LAMA5: variants seen among roughly 807,000 people sequenced by gnomAD.
LAMA5 encodes the protein laminin subunit alpha 5.
In LAMA5, 260 loss-of-function variants were observed where a neutral mutation model predicts 433.4. The ratio of observed to expected loss-of-function variants is 0.60; its 90% CI spans 0.54 to 0.66. LAMA5 has a LOEUF of 0.66. LAMA5 is among the 30% of genes least tolerant of loss of function. LAMA5 has a pLI of 0.00. For missense variants in LAMA5, 5,378 were observed against 5,258.5 expected (o/e 1.02, Z -0.70); for synonymous variants, 2,620 against 2,226.6 (o/e 1.18, Z -4.97).
At position 62,309,173 on chromosome 20, in the gene LAMA5, G is replaced by C. The variant is rs1985774076; in HGVS notation, c.*163C>G. 1.4e-6 allele frequency: 1 copy of C among 714,496 alleles called. No individual in the cohort carries two copies. 44.3% of individuals were successfully genotyped at this position (714,496 alleles called of 1,614,324 possible). The stretch of plus-strand genomic sequence containing the variant: ...GGGCCAAATATAAAAACATTTTGCA[G>C]TATTTTATTCTTTCGTTTAAGAAGC... On this transcript the variant is annotated 3_prime_UTR_variant, in exon 80 of 80. Transcript: ENST00000252999.
At chr20:62,319,850 C>CAAGGGAGGGCCTGGGGTCT in intron 50 of LAMA5, 55 bp from the exon 51 acceptor site, 2 of 1,405,226 alleles carry the variant, frequency 1.4e-6, no homozygotes, top group Non-Finnish European at 1.9e-6. Context: ...GTCGGGGTGG[C>CAAGGGAGGGCCTGGGGTCT]AAGGGAGGGC....
Position 62,309,303 on chromosome 20 carries a change from G to T in LAMA5, c.*33C>A. ...CAAGGGGCGGTGTGAGGCAGCTGCA[G>T]GGGCCTGACCAGGGGCCGGGGTTGG... On this transcript the variant is annotated 3_prime_UTR_variant, in exon 80 of 80. Transcript: ENST00000252999. The T allele has an allele frequency of 6.3e-7, 1 of 1,585,996 alleles. No homozygotes were observed. The highest frequency in any genetic ancestry group is 8.5e-7 in the Non-Finnish European group (1 of 1,173,754).
chr20:62,330,427 C>T (rs1181162253), intron 31 of LAMA5, 61 bp downstream of exon 31: 4 of 1,467,110 alleles, frequency 2.7e-6, no homozygotes, highest in South Asian at 2.8e-5. Flanking sequence ...CACGCTGTGG[C>T]GCCGGCATTC....
intron 40 of LAMA5, among the ~76,000 whole-genome samples, chr20:62,326,168 C>G (rs1345517346): frequency 6.6e-6 from 1 of 151,312 alleles, no homozygotes; most frequent in Admixed American, 6.6e-5. Context: ...TGCAGTAAGC[C>G]GAGATTGCAC....
chr20:62,364,261 G>C (rs1986476436), intron 1 of LAMA5, among the ~76,000 whole-genome samples: 1 of 152,242 alleles, frequency 6.6e-6, no homozygotes, highest in Non-Finnish European at 1.5e-5. Flanking sequence ...GGTGGGGCCA[G>C]GGGCTCCTGG....
chr20:62,323,356 A>G, intron 45 of LAMA5, 100 bp downstream of exon 45: 1 of 993,944 alleles, frequency 1.0e-6, no homozygotes, highest in Non-Finnish European at 1.4e-6. Context: ...GCTGGGCCCC[A>G]GCATCAGGCA....
chr20:62,349,941 C>T (rs1984039966), intron 6 of LAMA5, among the ~76,000 whole-genome samples: 1 of 149,232 alleles, frequency 6.7e-6, no homozygotes, highest in Non-Finnish European at 1.5e-5. Context: ...CATGGAGCCC[C>T]CTTCCCTGGA....
rs766538573 is a variant in LAMA5, at chr20:62,320,680, C to T, written c.6649-11G>A. The T allele has an allele frequency of 1.9e-5, 30 of 1,610,836 alleles. No homozygotes were observed. Among genetic ancestry groups the T allele is most frequent in the South Asian group, 3.3e-5 (3 of 90,960 alleles). On this transcript the variant is annotated splice_polypyrimidine_tract_variant and intron_variant, in intron 49 of 79. Coordinates refer to ENST00000252999, the MANE Select transcript of LAMA5 (RefSeq NM_005560.6). ...GCTCCGGAGCTGGCTCTGTGGGAGG[C>T]GAAAGGTGAAGGCCTGCACTGGCCC...
At position 62,315,954 on chromosome 20, in the gene LAMA5, C is replaced by T; in HGVS notation, c.7861G>A (p.Asp2621Asn). 1 of 1,599,654 alleles carries T rather than the reference C, an allele frequency of 6.3e-7. No homozygotes were observed. Among genetic ancestry groups the T allele is most frequent in the Non-Finnish European group, 8.5e-7 (1 of 1,176,376 alleles). The change falls in exon 58 of 80, where the codon GAC becomes AAC. Residue 2621 changes from aspartate (D) to asparagine (N), a missense_variant. Coordinates refer to ENST00000252999, the MANE Select transcript of LAMA5 (RefSeq NM_005560.6). ...GGGCCCAGGCTCCGCATACCTGTGTCCATGGCAAGCATGGCCTGCGCCGCC... is the reference window on the plus strand; with the variant it reads ...GGGCCCAGGCTCCGCATACCTGTGTTCATGGCAAGCATGGCCTGCGCCGCC... ...IQAAQAMLAM[D>N]TDETSKKIAH...
At chr20:62,325,995 A>C (rs1412315620) in intron 40 of LAMA5, among the ~76,000 whole-genome samples, 1 of 152,130 alleles carries the variant, frequency 6.6e-6, no homozygotes, top group Non-Finnish European at 1.5e-5. Flanking sequence ...CTGAGGTGGG[A>C]GGATCACCTG....
rs1321215833 is a variant in LAMA5, at chr20:62,334,519, C to T, written c.2582+3G>A. 1 of 1,547,334 alleles carries T rather than the reference C, an allele frequency of 6.5e-7. No individual in the cohort carries two copies. Among genetic ancestry groups the T allele is most frequent in the Non-Finnish European group, 8.7e-7 (1 of 1,146,248 alleles). On this transcript the variant is annotated splice_donor_region_variant and intron_variant, in intron 21 of 79. Transcript: ENST00000252999. ...CACCACCCAGTGGGGAAGGGGTACC[C>T]ACTCGCTGCAGGTGGGGCCCTGGGT...
intron 32 of LAMA5, among the ~76,000 whole-genome samples, 199 bp downstream of exon 32, chr20:62,329,571 AGCAGGGT>A (rs746173929): frequency 6.5e-4 from 99 of 152,252 alleles, no homozygotes; most frequent in African/African-American, 2.2e-3. Flanking sequence ...CACCCTGACC[AGCAGGGT>A]GCAGGGTGCA....
intron 58 of LAMA5, among the ~76,000 whole-genome samples, 191 bp from the exon 59 acceptor site, chr20:62,315,398 C>T (rs1986833053): frequency 6.6e-6 from 1 of 152,126 alleles, no homozygotes; most frequent in African/African-American, 2.4e-5. Flanking sequence ...CCCTCCATGC[C>T]AGGACAGGCA....
chr20:62,345,898 T>C lies in LAMA5; in HGVS notation c.1418-21A>G, dbSNP rs768218447. The stretch of plus-strand genomic sequence containing the variant: ...CGTCGCTGAGGGGAAGAGACACGCA[T>C]GTTGGCCAGGTCTGCTCAGAACCCT... On this transcript the variant is annotated intron_variant, in intron 10 of 79. Transcript: ENST00000252999. The C allele has an allele frequency of 1.3e-5, 20 of 1,557,262 alleles. No homozygotes were observed. The highest frequency in any genetic ancestry group is 1.7e-5 in the Non-Finnish European group (20 of 1,150,490).
chr20:62,334,042 G>A lies in LAMA5; in HGVS notation c.2740-3C>T. On this transcript the variant is annotated splice_region_variant and splice_polypyrimidine_tract_variant and intron_variant, in intron 22 of 79. Coordinates refer to ENST00000252999, the MANE Select transcript of LAMA5 (RefSeq NM_005560.6). ...TTCAGCCTGGCCACGATCCTGGGCT[G>A]GGTGGGCATGGAGCGTCGGGTCACT... The A allele has an allele frequency of 5.6e-6, 9 of 1,611,082 alleles. No individual in the cohort carries two copies. Among genetic ancestry groups the A allele is most frequent in the Non-Finnish European group, 7.6e-6 (9 of 1,178,466 alleles).
intron 31 of LAMA5, 79 bp from the exon 32 acceptor site, chr20:62,329,995 T>C: frequency 2.6e-6 from 4 of 1,534,184 alleles, no homozygotes; most frequent in East Asian, 2.3e-5. Context: ...GATGGCAGCG[T>C]TGGGGCAGCC....
At chr20:62,360,615 TGGGTGGGTGGAG>T (rs1186098836) in intron 2 of LAMA5, among the ~76,000 whole-genome samples, 40 of 26,002 alleles carry the variant, frequency 1.5e-3, no homozygotes, top group Admixed American at 3.4e-3. Context: ...GGTGGGTGGA[TGGGTGGGTGGAG>T]GGATAGATGG....
At chr20:62,330,698 G>T (rs1337224175) in intron 30 of LAMA5, 45 bp downstream of exon 30, 1 of 1,556,302 alleles carries the variant, frequency 6.4e-7, no homozygotes, top group Admixed American at 1.9e-5. Flanking sequence ...GGGACCCGGA[G>T]TCCTGCCCTG....
intron 26 of LAMA5, 75 bp from the exon 27 acceptor site, chr20:62,332,792 C>T: frequency 6.5e-7 from 1 of 1,537,296 alleles, no homozygotes; most frequent in South Asian, 1.2e-5. Flanking sequence ...CACTCCAGCG[C>T]CTCCCTGACC....
Sources: gnomAD v4.1 joint callset for allele counts (sites outside exome capture counted in the v4.1 genomes callset) on GRCh38, gnomAD v4.1.1 for gene constraint, MANE v1.5 for transcripts, NCBI Gene and HGNC (gene_info 2026-07-23, HGNC 2026-07-21) for gene names.